Variants in LRRTM4 observed in about 807,000 individuals in gnomAD.
LRRTM4 encodes leucine rich repeat transmembrane neuronal 4.
Under a neutral mutation model 47.6 loss-of-function variants are expected in LRRTM4, and 25 were observed. The ratio of observed to expected loss-of-function variants is 0.53; its 90% CI spans 0.38 to 0.73. The LOEUF is 0.73. Among genes scored for constraint, LRRTM4 ranks in the 30% least tolerant of loss-of-function variants. LRRTM4 has a pLI of 0.00. For missense variants in LRRTM4, 638 were observed against 713.4 expected, an observed-to-expected ratio of 0.89 and a Z score of 1.20; for synonymous variants, 311 against 269.5, an observed-to-expected ratio of 1.15 and a Z score of -1.51.
intron 3 of LRRTM4, among the ~76,000 whole-genome samples, chr2:77,428,845 G>A (rs531359939): frequency 5.5e-4 from 84 of 152,192 alleles, no homozygotes; most frequent in Non-Finnish European, 9.4e-4. Flanking sequence ...TCCTTTTAAT[G>A]TCTGAATTCA....
intron 3 of LRRTM4, among the ~76,000 whole-genome samples, chr2:77,389,547 T>G (rs1673419355): frequency 6.6e-6 from 1 of 152,118 alleles, no homozygotes; most frequent in African/African-American, 2.4e-5. Context: ...ATAAAGTCCT[T>G]GTTATTTGTG....
At chr2:77,036,561 A>G (rs557868053) in intron 3 of LRRTM4, among the ~76,000 whole-genome samples, 55 of 151,838 alleles carry the variant, frequency 3.6e-4, no homozygotes, top group African/African-American at 1.2e-3. Context: ...ACTTCTTGAC[A>G]TTCTCTAAAT....
chr2:77,363,845 A>G (rs1205716751), intron 3 of LRRTM4, among the ~76,000 whole-genome samples: 1 of 152,192 alleles, frequency 6.6e-6, no homozygotes, highest in East Asian at 1.9e-4. Context: ...GAATTTTAAC[A>G]AAACATATTA....
At chr2:77,411,618 ATTTTTTTT>A (rs1222177148) in intron 3 of LRRTM4, among the ~76,000 whole-genome samples, 17 of 64,800 alleles carry the variant, frequency 2.6e-4, no homozygotes, top group Middle Eastern at 0.019. Flanking sequence ...ATGCCCGGCT[ATTTTTTTT>A]TTTTTTTTTT....
At chr2:77,244,894 G>T (rs1024584344) in intron 3 of LRRTM4, among the ~76,000 whole-genome samples, 2 of 152,108 alleles carry the variant, frequency 1.3e-5, no homozygotes, top group Admixed American at 1.3e-4. Context: ...CAACATCCGT[G>T]TAAGTAACTT....
chr2:76,776,275 T>A (rs1202916187), intron 3 of LRRTM4, among the ~76,000 whole-genome samples: 1 of 152,192 alleles, frequency 6.6e-6, no homozygotes, highest in African/African-American at 2.4e-5. Context: ...ATATACCCAG[T>A]AATGGGATGG....
chr2:76,838,917 C>T (rs1671593898), intron 3 of LRRTM4, among the ~76,000 whole-genome samples: 1 of 151,990 alleles, frequency 6.6e-6, no homozygotes, highest in South Asian at 2.1e-4. Flanking sequence ...TAAACCTAAC[C>T]TTCCAATTTG....
At chr2:76,913,636 A>G (rs1422099107) in intron 3 of LRRTM4, among the ~76,000 whole-genome samples, 1 of 147,468 alleles carries the variant, frequency 6.8e-6, no homozygotes, top group African/African-American at 2.5e-5. Flanking sequence ...GCCTCCAGGG[A>G]TAAAGTGATT....
chr2:77,174,693 C>G, intron 3 of LRRTM4, among the ~76,000 whole-genome samples: 1 of 151,936 alleles, frequency 6.6e-6, no homozygotes, highest in East Asian at 1.9e-4. Flanking sequence ...ATGTGCACAA[C>G]GTGCAGGTTT....
At chr2:77,034,319 C>G (rs1055617644) in intron 3 of LRRTM4, among the ~76,000 whole-genome samples, 1 of 151,952 alleles carries the variant, frequency 6.6e-6, no homozygotes, top group Admixed American at 6.6e-5. Flanking sequence ...CCAAGTGTCT[C>G]AATTCAATCA....
intron 3 of LRRTM4, among the ~76,000 whole-genome samples, chr2:77,422,560 T>G (rs1674942985): frequency 6.6e-6 from 1 of 152,226 alleles, no homozygotes; most frequent in Admixed American, 6.5e-5. Flanking sequence ...TACATTTGCT[T>G]TCTTATTGAT....
rs34829617 is a variant in LRRTM4 at position 77,361,234 on chromosome 2, TAA to T, written c.1551+157082_1551+157083del. Among the ~76,000 whole-genome samples, 470 of 145,406 alleles carry T rather than the reference TAA, an allele frequency of 3.2e-3. 3 individuals carry two copies. The highest frequency in any genetic ancestry group is 0.01 in the African/African-American group (396 of 39,452). ...TAGCACATGATCTCTCCTCCTTCAT[TAA>T]AAAAAAAAAAAATTGGGTAGTAACT... On this transcript the variant is annotated intron_variant, in intron 3 of 3. Coordinates refer to ENST00000409884, the MANE Select transcript of LRRTM4 (RefSeq NM_001134745.3).
At chr2:76,886,646 G>C (rs558275765) in intron 3 of LRRTM4, among the ~76,000 whole-genome samples, 9 of 151,980 alleles carry the variant, frequency 5.9e-5, no homozygotes, top group African/African-American at 2.2e-4. Flanking sequence ...TAAAATGGCT[G>C]GTTACAAAAA....
At chr2:77,129,096 T>A (rs1375214884) in intron 3 of LRRTM4, among the ~76,000 whole-genome samples, 3 of 152,156 alleles carry the variant, frequency 2.0e-5, no homozygotes, top group African/African-American at 7.2e-5. Flanking sequence ...TCTTTTGGAG[T>A]CTCTTACACA....
intron 3 of LRRTM4, among the ~76,000 whole-genome samples, chr2:76,806,601 GA>G (rs58802607): frequency 0.3 from 45,590 of 151,418 alleles, 7,899 homozygotes; most frequent in East Asian, 0.58. Flanking sequence ...TTTTTAAAAA[GA>G]AAAAAAACAT....
At chr2:76,954,376 A>G (rs967659030) in intron 3 of LRRTM4, among the ~76,000 whole-genome samples, 1 of 151,874 alleles carries the variant, frequency 6.6e-6, no homozygotes, top group Non-Finnish European at 1.5e-5. Flanking sequence ...CCAACAAAAA[A>G]CAAAATTTTG....
At chr2:77,195,234 A>G (rs1054091101) in intron 3 of LRRTM4, among the ~76,000 whole-genome samples, 41 of 151,930 alleles carry the variant, frequency 2.7e-4, no homozygotes, top group African/African-American at 8.7e-4. Context: ...TGTATTTGCT[A>G]TAATGACATG....
chr2:76,922,267 T>G (rs916729120), intron 3 of LRRTM4, among the ~76,000 whole-genome samples: 2 of 152,070 alleles, frequency 1.3e-5, no homozygotes, highest in African/African-American at 4.8e-5. Flanking sequence ...CTCACAGTTC[T>G]TCAGGCTTAA....
chr2:76,749,973 C>T (rs937697844), intron 3 of LRRTM4, among the ~76,000 whole-genome samples: 1 of 152,108 alleles, frequency 6.6e-6, no homozygotes, highest in Non-Finnish European at 1.5e-5. Flanking sequence ...AAGTTCCCTT[C>T]TGTGGTTGCT....
Sources: allele counts gnomAD v4.1 joint callset (sites outside exome capture counted in the v4.1 genomes callset), GRCh38; gene constraint gnomAD v4.1.1; transcripts MANE v1.5; gene names NCBI Gene and HGNC (gene_info 2026-07-23, HGNC 2026-07-21).